FSTL5: variants seen among roughly 807,000 people sequenced by gnomAD.
FSTL5 encodes the protein follistatin-related protein 5.
A neutral mutation model predicts 89.1 loss-of-function variants in FSTL5; 62 were observed. That is an observed-to-expected ratio of 0.70 (90% CI 0.57 to 0.86). The LOEUF (loss-of-function observed/expected upper bound fraction) is 0.86. Among genes scored for constraint, FSTL5 ranks in the 40% least tolerant of loss-of-function variants. The pLI is 0.00. For missense variants in FSTL5, 1,057 were observed against 1,001.6 expected, an observed-to-expected ratio of 1.06 and a Z score of -0.75; for synonymous variants, 383 against 346.2, an observed-to-expected ratio of 1.11 and a Z score of -1.18.
intron 11 of FSTL5, among the ~76,000 whole-genome samples, chr4:161,504,057 G>A (rs929878751): frequency 2.0e-5 from 3 of 151,882 alleles, no homozygotes; most frequent in Non-Finnish European, 4.4e-5. Flanking sequence ...CTTCTATTAA[G>A]CCTGAAAGCT....
chr4:161,928,614 A>G lies in FSTL5; in HGVS notation c.161-7962T>C, dbSNP rs570267947. ...CAATGTTTTGGATTTTTACCATTCA[A>G]TTAGGTAGTTGTGGTATCTTGAAGT... On this transcript the variant is annotated intron_variant, in intron 3 of 15. Transcript: ENST00000306100. Among the ~76,000 whole-genome samples the G allele has an allele frequency of 4.0e-5, 6 of 151,820 alleles. No homozygotes were observed. In the East Asian group the frequency reaches 7.7e-4, roughly 20 times the overall value.
At chr4:161,747,315 C>T (rs1047839272) in intron 6 of FSTL5, among the ~76,000 whole-genome samples, 1 of 152,156 alleles carries the variant, frequency 6.6e-6, no homozygotes. Context: ...CTTTGCCTGG[C>T]TTTCTTCTCT....
At chr4:161,415,947 C>T (rs1375672638) in intron 15 of FSTL5, among the ~76,000 whole-genome samples, 1 of 151,522 alleles carries the variant, frequency 6.6e-6, no homozygotes, top group Non-Finnish European at 1.5e-5. Context: ...TTTCTTTATT[C>T]ACAGCACTCA....
chr4:161,533,001 G>A (rs1040514462), intron 10 of FSTL5, among the ~76,000 whole-genome samples: 2 of 142,980 alleles, frequency 1.4e-5, no homozygotes, highest in African/African-American at 2.6e-5. Context: ...TAACATTAAC[G>A]CAGAAATAAA....
At chr4:161,658,020 T>G in intron 6 of FSTL5, among the ~76,000 whole-genome samples, 1 of 152,196 alleles carries the variant, frequency 6.6e-6, no homozygotes, top group Non-Finnish European at 1.5e-5. Context: ...CAGCCCAAAC[T>G]CATTGTTTGG....
intron 7 of FSTL5, among the ~76,000 whole-genome samples, chr4:161,587,940 G>A (rs1169636911): frequency 1.3e-5 from 2 of 152,150 alleles, no homozygotes; most frequent in East Asian, 1.9e-4. Flanking sequence ...TTGAGAGGCC[G>A]AGGCAGGTGG....
intron 6 of FSTL5, among the ~76,000 whole-genome samples, chr4:161,746,428 T>A (rs1740206193): frequency 6.6e-6 from 1 of 152,128 alleles, no homozygotes; most frequent in Non-Finnish European, 1.5e-5. Flanking sequence ...CCTGAGTTAG[T>A]AGTGCCCTGG....
chr4:162,014,462 G>T (rs942721042), intron 3 of FSTL5, among the ~76,000 whole-genome samples: 1 of 151,124 alleles, frequency 6.6e-6, no homozygotes, highest in African/African-American at 2.4e-5. Context: ...CTTGTATTCA[G>T]AGATTTGAAA....
At chr4:161,931,514 G>T (rs1403871065) in intron 3 of FSTL5, among the ~76,000 whole-genome samples, 1 of 151,872 alleles carries the variant, frequency 6.6e-6, no homozygotes, top group Admixed American at 6.6e-5. Context: ...TTCTTGGACA[G>T]TAGACTCAAT....
chr4:161,801,453 A>G (rs1289683038), intron 4 of FSTL5, among the ~76,000 whole-genome samples: 1 of 151,500 alleles, frequency 6.6e-6, no homozygotes, highest in East Asian at 1.9e-4. Flanking sequence ...AAACCTCCTT[A>G]GAGAAATATG....
chr4:161,810,138 T>C (rs569068606), intron 4 of FSTL5, among the ~76,000 whole-genome samples: 1 of 152,150 alleles, frequency 6.6e-6, no homozygotes, highest in East Asian at 1.9e-4. Context: ...CACAAGTATA[T>C]TAAAAAAATT....
At chr4:161,504,000 C>A (rs1560927304) in intron 11 of FSTL5, among the ~76,000 whole-genome samples, 1 of 151,786 alleles carries the variant, frequency 6.6e-6, no homozygotes, top group African/African-American at 2.4e-5. Context: ...TAGAATGTTA[C>A]GTGGGATATC....
chr4:161,751,190 G>T (rs927237793), intron 6 of FSTL5, among the ~76,000 whole-genome samples: 8 of 151,758 alleles, frequency 5.3e-5, no homozygotes, highest in Non-Finnish European at 2.9e-5. Flanking sequence ...ACAAAATGAA[G>T]GACGGAGTTA....
At chr4:161,683,368 T>G (rs2126710862) in intron 6 of FSTL5, among the ~76,000 whole-genome samples, 1 of 152,252 alleles carries the variant, frequency 6.6e-6, no homozygotes, top group South Asian at 2.1e-4. Flanking sequence ...GATATTAACA[T>G]ATATAAAATA....
intron 6 of FSTL5, among the ~76,000 whole-genome samples, chr4:161,679,681 T>A (rs1403691587): frequency 6.6e-6 from 1 of 151,886 alleles, no homozygotes; most frequent in East Asian, 1.9e-4. Flanking sequence ...AAATAACCTA[T>A]GTGAATTAGG....
chr4:161,822,736 G>A lies in FSTL5; in HGVS notation c.410-46662C>T, dbSNP rs79444259. ...ATGTTTCAGCCCTGTTTGTATTACT[G>A]CTCTTTCAGGCCCGCATTCAGCATG... is the stretch of plus-strand genomic sequence containing the variant. On this transcript the variant is annotated intron_variant, in intron 4 of 15. Transcript: ENST00000306100. Among the ~76,000 whole-genome samples, 725 of 152,260 alleles carry A rather than the reference G, an allele frequency of 4.8e-3. 4 individuals carry two copies. The highest frequency in any genetic ancestry group is 0.017 in the African/African-American group (691 of 41,554).
chr4:162,048,129 C>A (rs1578985023), intron 2 of FSTL5, among the ~76,000 whole-genome samples: 1 of 151,908 alleles, frequency 6.6e-6, no homozygotes, highest in East Asian at 1.9e-4. Context: ...GAGATGGAGA[C>A]CAGTCTGGAC....
rs532418282 is a variant in FSTL5 at position 161,405,074 on chromosome 4, T to C, written c.1842-18625A>G. On this transcript the variant is annotated intron_variant, in intron 15 of 15. Transcript: ENST00000306100. ...GGTGAAACCCTGTCTCTACTAAAAA[T>C]ACAAAAGAATTAGCTAGGTATGGTG... 5.1e-4 allele frequency among the ~76,000 whole-genome samples: 78 copies of C among 151,848 alleles called. 1 individual carries two copies. The highest frequency in any genetic ancestry group is 1.9e-3 in the African/African-American group (77 of 41,452).
At chr4:162,077,218 G>A (rs1729888010) in intron 2 of FSTL5, among the ~76,000 whole-genome samples, 1 of 151,772 alleles carries the variant, frequency 6.6e-6, no homozygotes. Flanking sequence ...AAGAGAGTGA[G>A]GGAGAGATAA....
Sources: gnomAD v4.1 joint callset for allele counts (sites outside exome capture counted in the v4.1 genomes callset) on GRCh38, gnomAD v4.1.1 for gene constraint, MANE v1.5 for transcripts, NCBI Gene and HGNC (gene_info 2026-07-23, HGNC 2026-07-21) for gene names.